Variants in CAMKMT observed in about 807,000 individuals in gnomAD.
CAMKMT encodes the protein calmodulin-lysine N-methyltransferase, also known as CaM KMT.
A neutral mutation model predicts 48.0 loss-of-function variants in CAMKMT; 53 were observed. That is an observed-to-expected ratio of 1.10 (90% CI 0.89 to 1.39). The LOEUF is 1.39. Ranked by LOEUF, CAMKMT falls within the 40% of genes most tolerant of loss-of-function variation. The pLI is 0.00. For missense variants in CAMKMT, 428 were observed against 402.7 expected (o/e 1.06, Z -0.54); for synonymous variants, 165 against 152.3 (o/e 1.08, Z -0.61).
intron 3 of CAMKMT, among the ~76,000 whole-genome samples, chr2:44,563,834 C>T (rs1488278436): frequency 6.6e-6 from 1 of 152,162 alleles, no homozygotes; most frequent in South Asian, 2.1e-4. Context: ...CATAGTATTC[C>T]GTGGTGTATA....
intron 3 of CAMKMT, among the ~76,000 whole-genome samples, chr2:44,566,034 T>C (rs970397533): frequency 6.6e-6 from 1 of 152,230 alleles, no homozygotes; most frequent in South Asian, 2.1e-4. Context: ...GGATTACAAA[T>C]TATCTCTACC....
At chr2:44,583,776 A>G (rs1204201479) in intron 3 of CAMKMT, among the ~76,000 whole-genome samples, 1 of 152,164 alleles carries the variant, frequency 6.6e-6, no homozygotes, top group Non-Finnish European at 1.5e-5. Context: ...ATCCTGGGCA[A>G]CAGATCAAGA....
chr2:44,569,213 T>G (rs1668777536), intron 3 of CAMKMT, among the ~76,000 whole-genome samples: 1 of 152,210 alleles, frequency 6.6e-6, no homozygotes, highest in Non-Finnish European at 1.5e-5. Context: ...TCATCTCACT[T>G]CTTCAAAATA....
chr2:44,742,922 T>TA (rs1679760749), intron 7 of CAMKMT, among the ~76,000 whole-genome samples: 1 of 152,238 alleles, frequency 6.6e-6, no homozygotes, highest in Non-Finnish European at 1.5e-5. Flanking sequence ...GACGAATCAT[T>TA]AAAATACTTG....
intron 3 of CAMKMT, among the ~76,000 whole-genome samples, chr2:44,601,153 G>A (rs761290610): frequency 1.1e-4 from 17 of 152,026 alleles, no homozygotes; most frequent in Non-Finnish European, 2.4e-4. Context: ...ATATATAAAG[G>A]TATGCCATTA....
chr2:44,638,524 CTG>C (rs1342062721), intron 3 of CAMKMT, among the ~76,000 whole-genome samples: 1 of 152,186 alleles, frequency 6.6e-6, no homozygotes, highest in African/African-American at 2.4e-5. Context: ...AAGGCAAAAA[CTG>C]TGTGTTTCTT....
At chr2:44,695,645 T>C (rs1243788644) in intron 3 of CAMKMT, among the ~76,000 whole-genome samples, 1 of 152,208 alleles carries the variant, frequency 6.6e-6, no homozygotes, top group East Asian at 1.9e-4. Context: ...GGATGTTTTT[T>C]AAGGCATAAA....
At chr2:44,545,552 G>T (rs1667349750) in intron 3 of CAMKMT, among the ~76,000 whole-genome samples, 1 of 151,608 alleles carries the variant, frequency 6.6e-6, no homozygotes, top group Admixed American at 6.6e-5. Flanking sequence ...GTTTTGTTTT[G>T]TTTTTGTTTT....
At chr2:44,391,687 C>T (rs764283230) in intron 3 of CAMKMT, among the ~76,000 whole-genome samples, 4 of 152,054 alleles carry the variant, frequency 2.6e-5, no homozygotes, top group Non-Finnish European at 5.9e-5. Context: ...GAAATAGGGC[C>T]ACTAGCTGAC....
In CAMKMT at chr2:44,497,975, A is replaced by T. The variant is rs1055134243; in HGVS notation, c.376+107670A>T. ...ATGTTGTGGTAGAGTAAGACTGGAA[A>T]GGTTAGGTCATTCATTATGGAGATA... On this transcript the variant is annotated intron_variant, in intron 3 of 10. Transcript: ENST00000378494. Among the ~76,000 whole-genome samples the T allele has an allele frequency of 2.0e-5, 3 of 152,114 alleles. No individual in the cohort carries two copies. The East Asian group carries it at 5.8e-4, about 29-fold the overall frequency.
At chr2:44,695,060 C>A (rs1260795715) in intron 3 of CAMKMT, among the ~76,000 whole-genome samples, 1 of 152,222 alleles carries the variant, frequency 6.6e-6, no homozygotes, top group African/African-American at 2.4e-5. Flanking sequence ...TTTAGATTAA[C>A]ACTTTAGCTA....
chr2:44,500,155 C>G (rs1300296417), intron 3 of CAMKMT, among the ~76,000 whole-genome samples: 1 of 152,158 alleles, frequency 6.6e-6, no homozygotes, highest in Non-Finnish European at 1.5e-5. Flanking sequence ...AAGTTCAAAG[C>G]TGTCCCTACA....
At chr2:44,722,033 T>C (rs1678489917) in intron 7 of CAMKMT, among the ~76,000 whole-genome samples, 1 of 152,246 alleles carries the variant, frequency 6.6e-6, no homozygotes, top group Non-Finnish European at 1.5e-5. Flanking sequence ...AATCTATTGC[T>C]TAAAATAGTG....
intron 3 of CAMKMT, among the ~76,000 whole-genome samples, chr2:44,662,264 T>G (rs476695): frequency 0.44 from 67,269 of 152,022 alleles, 15,363 homozygotes; most frequent in African/African-American, 0.47. Flanking sequence ...CCAGTTTTCA[T>G]TGTCCGTCTT....
At chr2:44,486,921 A>C (rs896817925) in intron 3 of CAMKMT, among the ~76,000 whole-genome samples, 3 of 152,212 alleles carry the variant, frequency 2.0e-5, no homozygotes, top group Non-Finnish European at 4.4e-5. Flanking sequence ...TACATGAATG[A>C]ATGTTTGTAA....
intron 3 of CAMKMT, among the ~76,000 whole-genome samples, chr2:44,494,996 T>C (rs556017195): frequency 2.0e-5 from 3 of 152,294 alleles, no homozygotes; most frequent in South Asian, 4.1e-4. Flanking sequence ...GAAGTATCTG[T>C]TGAATGAACG....
At chr2:44,469,102 T>C (rs917196610) in intron 3 of CAMKMT, among the ~76,000 whole-genome samples, 2 of 152,142 alleles carry the variant, frequency 1.3e-5, no homozygotes, top group Non-Finnish European at 2.9e-5. Flanking sequence ...AGGAATCAGT[T>C]CTAGTGTTCT....
chr2:44,588,714 G>A (rs1485820409), intron 3 of CAMKMT, among the ~76,000 whole-genome samples: 53 of 36,538 alleles, frequency 1.5e-3, no homozygotes, highest in Admixed American at 2.7e-3. Flanking sequence ...TCAGCCCCCC[G>A]CCTGGCCAGC....
chr2:44,396,054 GA>G (rs1681808093), intron 3 of CAMKMT, among the ~76,000 whole-genome samples: 1 of 151,996 alleles, frequency 6.6e-6, no homozygotes, highest in Non-Finnish European at 1.5e-5. Flanking sequence ...ATAGTATTGG[GA>G]CCATTGCCTA....
Sources: gnomAD v4.1 joint callset for allele counts (sites outside exome capture counted in the v4.1 genomes callset) on GRCh38, gnomAD v4.1.1 for gene constraint, MANE v1.5 for transcripts, NCBI Gene and HGNC (gene_info 2026-07-23, HGNC 2026-07-21) for gene names.